Variants in USP30 observed in about 807,000 individuals in gnomAD.
USP30 encodes the protein ubiquitin carboxyl-terminal hydrolase 30.
Under a neutral mutation model 68.2 loss-of-function variants are expected in USP30, and 41 were observed. The observed-to-expected ratio is 0.60, with a 90% CI of 0.47 to 0.78. The LOEUF (loss-of-function observed/expected upper bound fraction) is 0.78. Among genes scored for constraint, USP30 ranks in the 30% least tolerant of loss-of-function variants. The pLI is 0.00. For synonymous variants in USP30, 229 were observed against 253.7 expected (o/e 0.90, Z 0.93); for missense variants, 522 against 649.4 (o/e 0.80, Z 2.13).
intron 3 of USP30, among the ~76,000 whole-genome samples, chr12:109,038,197 T>A (rs1185435347): frequency 1.5e-5 from 2 of 131,878 alleles, no homozygotes; most frequent in Admixed American, 1.6e-4. Context: ...CAGTGTATGT[T>A]GGTTCCCGCC....
upstream of USP30, among the ~76,000 whole-genome samples, chr12:109,050,981 C>A (rs1252284936): frequency 6.6e-6 from 1 of 151,824 alleles, no homozygotes; most frequent in Non-Finnish European, 1.5e-5. Flanking sequence ...CAGAGCAAGA[C>A]TCCATCTCAA....
At position 109,086,960 on chromosome 12, in the gene USP30, A is replaced by G. The variant is rs549557378; in HGVS notation, c.*1029A>G. On this transcript the variant is annotated 3_prime_UTR_variant, in exon 13 of 13. Transcript: ENST00000257548. ...TGAAGGGTTAGATTTGATGACCACC[A>G]AAGTTCAGCCCTTTTCACGAAAAGG... 4 of 152,052 alleles carry G rather than the reference A, an allele frequency of 2.6e-5. No homozygotes were observed. Among genetic ancestry groups the G allele is most frequent in the Non-Finnish European group, 5.9e-5 (4 of 68,014 alleles). The allele number at this position is 152,052 out of a possible 1,614,324, so 9.4% of individuals were successfully genotyped here.
intron 3 of USP30, among the ~76,000 whole-genome samples, chr12:109,040,935 C>T (rs2040560398): frequency 6.6e-6 from 1 of 152,234 alleles, no homozygotes; most frequent in Admixed American, 6.5e-5. Context: ...CTACCACACT[C>T]AGCTTTTCTC....
chr12:109,033,784 G>A (rs909871502), intron 3 of USP30, among the ~76,000 whole-genome samples: 4 of 152,150 alleles, frequency 2.6e-5, no homozygotes, highest in Non-Finnish European at 5.9e-5. Flanking sequence ...TGGTAAAGAG[G>A]TGAGGCTTGG....
intron 3 of USP30, among the ~76,000 whole-genome samples, chr12:109,034,279 C>G (rs1304845352): frequency 2.6e-5 from 4 of 152,134 alleles, no homozygotes; most frequent in Non-Finnish European, 5.9e-5. Flanking sequence ...TAAAATTTCC[C>G]AAATTCCTGT....
At chr12:109,048,578 A>G (rs1240434903), upstream of USP30, among the ~76,000 whole-genome samples, 1 of 151,870 alleles carries the variant, frequency 6.6e-6, no homozygotes, top group East Asian at 1.9e-4. Context: ...CATCTCTACT[A>G]AAAATACAAA....
chr12:109,067,650 T>C (rs1002111595), intron 4 of USP30, 23 bp downstream of exon 4: 3 of 1,604,432 alleles, frequency 1.9e-6, no homozygotes, highest in Admixed American at 3.3e-5. Context: ...TTTGAACAGG[T>C]TTAGCTTGGA....
chr12:109,038,883 T>G (rs541856624), intron 3 of USP30, among the ~76,000 whole-genome samples: 1 of 152,226 alleles, frequency 6.6e-6, no homozygotes, highest in Non-Finnish European at 1.5e-5. Context: ...CATCTTTTCA[T>G]GTGCCTACTG....
At position 109,052,614 on chromosome 12, in the gene USP30, C is replaced by A; in HGVS notation, c.-65C>A. 1 of 1,105,372 alleles carries A rather than the reference C, an allele frequency of 9.0e-7. No homozygotes were observed. Among genetic ancestry groups the A allele is most frequent in the Non-Finnish European group, 1.2e-6 (1 of 823,222 alleles). The allele number at this position is 1,105,372 out of a possible 1,614,324, so 68.5% of individuals were successfully genotyped here. ...CCGCTGTCTCGGGAACCGTCGTATC[C>A]CTCGGTCCGGCGGCGGCGGCGGCGG... is the stretch of plus-strand genomic sequence containing the variant. On this transcript the variant is annotated 5_prime_UTR_variant, in exon 1 of 13. Coordinates refer to ENST00000257548, the MANE Select transcript of USP30 (RefSeq NM_032663.5).
rs751821758 is a variant in USP30 at position 109,082,974 on chromosome 12, A to G, written c.1080A>G (p.Gly360=). The G allele has an allele frequency of 1.2e-6, 2 of 1,614,242 alleles. No individual in the cohort carries two copies. The highest frequency in any genetic ancestry group is 2.2e-5 in the South Asian group (2 of 91,092). The change falls in exon 11 of 13, where the codon GGA becomes GGG. Residue 360 remains glycine (G), a synonymous_variant. Transcript: ENST00000257548. ...MMDIYKYHLL[G]HKPSQHNPKL... is the part of the protein sequence containing the mutation. ...ACATTTACAAGTACCACCTCCTTGG[A>G]CATAAACCTAGTCAACACAACCCTA...
chr12:109,083,620 C>T (rs1192810318), intron 11 of USP30, among the ~76,000 whole-genome samples: 1 of 152,068 alleles, frequency 6.6e-6, no homozygotes, highest in Non-Finnish European at 1.5e-5. Context: ...AGGGCAAACA[C>T]CACACAGGAG....
chr12:109,030,016 A>G (rs2040469832), intron 3 of USP30, among the ~76,000 whole-genome samples: 1 of 152,220 alleles, frequency 6.6e-6, no homozygotes, highest in South Asian at 2.1e-4. Flanking sequence ...AGTAATCATT[A>G]TTGAAATACG....
chr12:109,054,879 G>A (rs1479772345), intron 1 of USP30: 1 of 152,166 alleles, frequency 6.6e-6, no homozygotes, highest in Non-Finnish European at 1.5e-5. Context: ...TCAGCTATCA[G>A]CTATGATACT....
rs1197351764 is a variant in USP30, at chr12:109,086,595, T to C, written c.*664T>C. On this transcript the variant is annotated 3_prime_UTR_variant, in exon 13 of 13. Coordinates refer to ENST00000257548, the MANE Select transcript of USP30 (RefSeq NM_032663.5). ...AACTCTTTCACTACTTTGTCAGTTA[T>C]AAGTGAAGAGCTTACTTGTTGCTTT... 1 of 152,420 alleles carries C rather than the reference T, an allele frequency of 6.6e-6. No homozygotes were observed. The highest frequency in any genetic ancestry group is 1.5e-5 in the Non-Finnish European group (1 of 68,164). 9.4% of individuals were successfully genotyped at this position (152,420 alleles called of 1,614,324 possible). A position where few individuals can be genotyped will look rare whatever the true frequency, so the allele number is the denominator to read the frequency against.
chr12:109,029,329 C>T (rs2040465518), intron 3 of USP30, among the ~76,000 whole-genome samples: 1 of 152,210 alleles, frequency 6.6e-6, no homozygotes, highest in Non-Finnish European at 1.5e-5. Context: ...GTCAGAGGCA[C>T]TCTCTCTGAC....
At chr12:109,081,866 C>A in intron 8 of USP30, 67 bp from the exon 9 acceptor site, 1 of 1,455,520 alleles carries the variant, frequency 6.9e-7, no homozygotes, top group Non-Finnish European at 9.7e-7. Context: ...TTCACACTGC[C>A]ATCTGCTAAC....
chr12:109,044,487 A>G (rs943989895), intron 3 of USP30, among the ~76,000 whole-genome samples: 2 of 151,968 alleles, frequency 1.3e-5, no homozygotes, highest in Admixed American at 6.6e-5. Context: ...AAAAAGAAAA[A>G]TCAGCCAGGC....
At chr12:109,029,467 C>T (rs543209646) in intron 3 of USP30, among the ~76,000 whole-genome samples, 1 of 152,270 alleles carries the variant, frequency 6.6e-6, no homozygotes, top group South Asian at 2.1e-4. Flanking sequence ...TCTGACACTA[C>T]AGGCATATCC....
chr12:109,044,165 GAATA>G (rs756882950), intron 3 of USP30, among the ~76,000 whole-genome samples: 3 of 152,224 alleles, frequency 2.0e-5, no homozygotes, highest in Non-Finnish European at 2.9e-5. Flanking sequence ...TAGAGTAGTT[GAATA>G]AATAGAGACA....
Sources: allele counts gnomAD v4.1 joint callset (sites outside exome capture counted in the v4.1 genomes callset), GRCh38; gene constraint gnomAD v4.1.1; transcripts MANE v1.5; gene names NCBI Gene and HGNC (gene_info 2026-07-23, HGNC 2026-07-21).